The following STAU1 variants were observed in gnomAD, a reference collection of about 807,000 sequenced individuals.
The protein encoded by STAU1 is staufen double-stranded RNA binding protein 1, also known as double-stranded RNA-binding protein Staufen homolog 1.
STAU1 carries 13 observed loss-of-function variants against 62.9 expected under a neutral mutation model. That is an observed-to-expected ratio of 0.21 (90% CI 0.13 to 0.33). STAU1 has a LOEUF of 0.33. STAU1 is among the 10% of genes least tolerant of loss of function. The probability of loss-of-function intolerance (pLI) is 1.00; values close to 1 mark genes in which losing one functional copy is unlikely to be tolerated. For missense variants in STAU1, 571 were observed against 712.1 expected (o/e 0.80, Z 2.25); for synonymous variants, 269 against 265.1 (o/e 1.01, Z -0.14).
At chr20:49,126,290 G>T (rs1397507318) in intron 6 of STAU1, among the ~76,000 whole-genome samples, 1 of 151,754 alleles carries the variant, frequency 6.6e-6, no homozygotes, top group African/African-American at 2.4e-5. Context: ...GGCTGGGCAG[G>T]GTGGCTCATG....
chr20:49,114,447 G>A lies in STAU1; in HGVS notation c.*431C>T, dbSNP rs1434714354. 5.9e-6 allele frequency: 1 copy of A among 168,242 alleles called. No individual in the cohort carries two copies. The highest frequency in any genetic ancestry group is 1.3e-5 in the Non-Finnish European group (1 of 77,826). 10.4% of individuals were successfully genotyped at this position (168,242 alleles called of 1,614,324 possible). The stretch of plus-strand genomic sequence containing the variant: ...GCTTTTAGCTCTGGGGCCGGTCAAA[G>A]GCCTCTCTCTGGCATGGCTGTCCAG... On this transcript the variant is annotated 3_prime_UTR_variant, in exon 14 of 14. Coordinates refer to ENST00000371856, the MANE Select transcript of STAU1 (RefSeq NM_017453.4).
intron 10 of STAU1, 93 bp downstream of exon 10, chr20:49,118,240 G>GGGAC: frequency 7.2e-7 from 1 of 1,385,590 alleles, no homozygotes; most frequent in Non-Finnish European, 1.0e-6. Flanking sequence ...CTTTGCATGC[G>GGGAC]GGACCTCACT....
rs758746483 is a variant in STAU1 at position 49,157,297 on chromosome 20, CTCT to C, written c.206-3229_206-3227del. On this transcript the variant is annotated intron_variant, in intron 3 of 13. Transcript: ENST00000371856. ...TTTGATGCTGCAATGTGTTTGTGGG[CTCT>C]TGTTTGAAAACATAACCACCCTTTT... Among the ~76,000 whole-genome samples, 33 of 152,210 alleles carry C rather than the reference CTCT, an allele frequency of 2.2e-4. No individual in the cohort carries two copies. The Middle Eastern group carries it at 0.01, about 47-fold the overall frequency.
upstream of STAU1, among the ~76,000 whole-genome samples, chr20:49,188,814 T>C (rs2093822238): frequency 6.6e-6 from 1 of 152,214 alleles, no homozygotes; most frequent in Non-Finnish European, 1.5e-5. Flanking sequence ...AAGAATGTAG[T>C]GGTGAACTGA....
At chr20:49,172,139 G>A (rs961474666) in intron 2 of STAU1, among the ~76,000 whole-genome samples, 9 of 152,192 alleles carry the variant, frequency 5.9e-5, no homozygotes, top group African/African-American at 2.2e-4. Context: ...GGCAATGGAG[G>A]ACTTTCTTTC....
rs1241243795 is a variant in STAU1, at chr20:49,118,149, C to T, written c.1190-53G>A. ...AATCCACATCCACAGCCTGGAAAAA[C>T]GCAATGACACCATCAAACCCCACGC... On this transcript the variant is annotated intron_variant, in intron 10 of 13. Coordinates refer to ENST00000371856, the MANE Select transcript of STAU1 (RefSeq NM_017453.4). 1.0e-4 allele frequency: 159 copies of T among 1,556,356 alleles called. 1 individual carries two copies. The highest frequency in any genetic ancestry group is 5.0e-4 in the Middle Eastern group (3 of 5,942).
At chr20:49,197,833 G>A in the STAU1 span, among the ~76,000 whole-genome samples, 2 of 151,998 alleles carry the variant, frequency 1.3e-5, no homozygotes, top group Non-Finnish European at 2.9e-5. Flanking sequence ...AGCCTCCCAA[G>A]TAGCTGGGAA....
At chr20:49,204,643 TATA>T in the STAU1 span, among the ~76,000 whole-genome samples, 4 of 47,804 alleles carry the variant, frequency 8.4e-5, no homozygotes, top group African/African-American at 4.0e-4. Flanking sequence ...TATATATATA[TATA>T]TTTTTTTTTT....
At chr20:49,173,294 C>T (rs2093620736) in intron 2 of STAU1, among the ~76,000 whole-genome samples, 1 of 151,792 alleles carries the variant, frequency 6.6e-6, no homozygotes, top group African/African-American at 2.4e-5. Flanking sequence ...CCTGTCTCTA[C>T]TAAAAATACA....
At chr20:49,164,323 G>C (rs1045332472) in intron 3 of STAU1, among the ~76,000 whole-genome samples, 5 of 151,676 alleles carry the variant, frequency 3.3e-5, no homozygotes, top group Admixed American at 3.3e-4. Flanking sequence ...TTGAGACAGG[G>C]TCTCGCTCTG....
At chr20:49,178,366 C>A (rs993106239) in intron 1 of STAU1, among the ~76,000 whole-genome samples, 1 of 152,198 alleles carries the variant, frequency 6.6e-6, no homozygotes, top group Admixed American at 6.5e-5. Context: ...GTAATCCCAG[C>A]ACTTTGGGAG....
intron 5 of STAU1, among the ~76,000 whole-genome samples, chr20:49,146,065 T>C (rs1409145410): frequency 2.6e-5 from 4 of 151,862 alleles, no homozygotes; most frequent in Non-Finnish European, 5.9e-5. Context: ...AGCTCAGGAG[T>C]TCGACACCAG....
chr20:49,202,234 GAA>G, the STAU1 span, among the ~76,000 whole-genome samples: 2 of 57,646 alleles, frequency 3.5e-5, no homozygotes, highest in Admixed American at 4.0e-4. Context: ...AAAAAAAAAA[GAA>G]AGAAAGAAAG....
At chr20:49,193,326 G>A (rs1276984505), upstream of STAU1, among the ~76,000 whole-genome samples, 3 of 151,106 alleles carry the variant, frequency 2.0e-5, no homozygotes, top group Non-Finnish European at 3.0e-5. Flanking sequence ...GCAGTGAGCC[G>A]AGATCACACC....
chr20:49,153,732 A>G (rs1471217499), intron 4 of STAU1, among the ~76,000 whole-genome samples: 7 of 146,944 alleles, frequency 4.8e-5, no homozygotes, highest in South Asian at 2.2e-4. Flanking sequence ...AAAAAAAAAA[A>G]AAAAAAAAAA....
the STAU1 span, among the ~76,000 whole-genome samples, chr20:49,195,310 G>A: frequency 3.3e-5 from 5 of 151,804 alleles, no homozygotes; most frequent in Admixed American, 3.3e-4. Flanking sequence ...GGCCGAGGCA[G>A]GCGGATCACG....
upstream of STAU1, among the ~76,000 whole-genome samples, chr20:49,192,907 A>G (rs1008365523): frequency 6.6e-6 from 1 of 152,228 alleles, no homozygotes; most frequent in African/African-American, 2.4e-5. Flanking sequence ...GGAAAAATTA[A>G]TAAGAAAAAT....
At chr20:49,175,759 G>T (rs1000736136) in intron 1 of STAU1, among the ~76,000 whole-genome samples, 4 of 148,242 alleles carry the variant, frequency 2.7e-5, no homozygotes, top group Admixed American at 2.0e-4. Flanking sequence ...AAAGTGCTGG[G>T]ATTACAGGCA....
At chr20:49,133,543 C>CT (rs761359725) in intron 6 of STAU1, among the ~76,000 whole-genome samples, 1 of 152,152 alleles carries the variant, frequency 6.6e-6, no homozygotes, top group Non-Finnish European at 1.5e-5. Context: ...CAGCTCCCAT[C>CT]TTTTTCCCAC....
Sources: allele counts gnomAD v4.1 joint callset (sites outside exome capture counted in the v4.1 genomes callset), GRCh38; gene constraint gnomAD v4.1.1; transcripts MANE v1.5; gene names NCBI Gene and HGNC (gene_info 2026-07-23, HGNC 2026-07-21).